Variants in RFX3 observed in about 807,000 individuals in gnomAD.
RFX3 encodes regulatory factor X3, also known as transcription factor RFX3.
Under a neutral mutation model 98.6 loss-of-function variants are expected in RFX3, and 14 were observed. The observed-to-expected ratio is 0.14, with a 90% CI of 0.09 to 0.22. The LOEUF (loss-of-function observed/expected upper bound fraction) is 0.22. Among genes scored for constraint, RFX3 ranks in the 10% least tolerant of loss-of-function variants. The pLI is 1.00. For synonymous variants in RFX3, 383 were observed against 328.4 expected (o/e 1.17, Z -1.80); for missense variants, 639 against 926.9 (o/e 0.69, Z 4.03).
intron 2 of RFX3, among the ~76,000 whole-genome samples, chr9:3,388,495 C>T (rs1366154391): frequency 6.6e-6 from 1 of 151,996 alleles, no homozygotes; most frequent in Non-Finnish European, 1.5e-5. Flanking sequence ...CTGATACTAA[C>T]CAAAAAGAAA....
intron 1 of RFX3, among the ~76,000 whole-genome samples, chr9:3,478,517 G>C (rs118138217): frequency 0.021 from 3,131 of 150,224 alleles, 44 homozygotes; most frequent in Non-Finnish European, 0.031. Context: ...TCATTTAAAA[G>C]ATTTCCTTAA....
chr9:3,438,162 C>T (rs949735953), intron 1 of RFX3, among the ~76,000 whole-genome samples: 1 of 152,004 alleles, frequency 6.6e-6, no homozygotes, highest in Admixed American at 6.6e-5. Flanking sequence ...ACACAGAAGC[C>T]GACAGTTGAT....
chr9:3,505,035 A>C (rs1816784489), intron 1 of RFX3, among the ~76,000 whole-genome samples: 1 of 88,646 alleles, frequency 1.1e-5, no homozygotes, highest in Non-Finnish European at 2.0e-5. Context: ...TAAATAATAT[A>C]ATATATTTTA....
chr9:3,267,197 G>T (rs552215151), intron 11 of RFX3, among the ~76,000 whole-genome samples: 1 of 151,918 alleles, frequency 6.6e-6, no homozygotes, highest in African/African-American at 2.4e-5. Context: ...TGTGCCCAAG[G>T]CTCCATAGTA....
At chr9:3,345,305 T>C (rs1255382127) in intron 3 of RFX3, among the ~76,000 whole-genome samples, 3 of 152,002 alleles carry the variant, frequency 2.0e-5, no homozygotes, top group Admixed American at 2.0e-4. Flanking sequence ...CATAGAAGTA[T>C]GAAAGGGGAA....
chr9:3,359,405 TAGTAA>T (rs1280062962), intron 2 of RFX3, among the ~76,000 whole-genome samples: 1 of 152,072 alleles, frequency 6.6e-6, no homozygotes, highest in Non-Finnish European at 1.5e-5. Flanking sequence ...TTTGTTATAA[TAGTAA>T]AGGTGGATTG....
In RFX3 at chr9:3,437,207, G is replaced by C. The variant is rs111816906; in HGVS notation, c.-8-41611C>G. Among the ~76,000 whole-genome samples, 920 of 152,124 alleles carry C rather than the reference G, an allele frequency of 6.0e-3. 15 individuals carry two copies. Among genetic ancestry groups the C allele is most frequent in the Admixed American group, 7.3e-3 (112 of 15,248 alleles). ...AAAGGGCTCCTGCTTGCAGAATTAA[G>C]CCAGCTTTAGTTGGCACACTGCCCT... On this transcript the variant is annotated intron_variant, in intron 1 of 16. Coordinates refer to ENST00000617270, the MANE Select transcript of RFX3 (RefSeq NM_001282116.2).
In RFX3 at chr9:3,224,958, C is replaced by A. The variant is rs1357340210; in HGVS notation, c.*84G>T. On this transcript the variant is annotated 3_prime_UTR_variant, in exon 17 of 17. Transcript: ENST00000617270. The stretch of plus-strand genomic sequence containing the variant: ...AGCACAGATAGAATTTGACAACAGT[C>A]GACCTTCAGGCTTATTAAATTTTCA... 1 of 1,325,200 alleles carries A rather than the reference C, an allele frequency of 7.5e-7. No individual in the cohort carries two copies. The highest frequency in any genetic ancestry group is 1.3e-5 in the South Asian group (1 of 75,212). The allele number at this position is 1,325,200 out of a possible 1,614,324, so 82.1% of individuals were successfully genotyped here.
chr9:3,254,248 C>A (rs13297424), intron 14 of RFX3, among the ~76,000 whole-genome samples: 1 of 149,310 alleles, frequency 6.7e-6, no homozygotes, highest in Non-Finnish European at 1.5e-5. Context: ...GGATGTATTT[C>A]TAAAATGACA....
At chr9:3,313,510 T>C (rs927497435) in intron 4 of RFX3, among the ~76,000 whole-genome samples, 6 of 152,228 alleles carry the variant, frequency 3.9e-5, no homozygotes, top group African/African-American at 1.4e-4. Context: ...CAAAGCTGGA[T>C]GGAGAATAAT....
chr9:3,268,837 T>C (rs1242527527), intron 11 of RFX3, among the ~76,000 whole-genome samples: 2 of 151,988 alleles, frequency 1.3e-5, no homozygotes, highest in Non-Finnish European at 2.9e-5. Context: ...GTTTAATGAA[T>C]ACTGATGTTG....
chr9:3,492,160 T>C (rs1341200234), intron 1 of RFX3, among the ~76,000 whole-genome samples: 2 of 152,178 alleles, frequency 1.3e-5, no homozygotes, highest in South Asian at 2.1e-4. Context: ...GAGCAAAACA[T>C]GGCTATTCTA....
At chr9:3,347,692 G>A (rs1040706903) in intron 2 of RFX3, among the ~76,000 whole-genome samples, 2 of 151,936 alleles carry the variant, frequency 1.3e-5, no homozygotes, top group East Asian at 1.9e-4. Context: ...CAGGCATGGT[G>A]GTGCATGCCT....
chr9:3,231,007 A>G (rs1248230779), intron 15 of RFX3, among the ~76,000 whole-genome samples: 2 of 152,232 alleles, frequency 1.3e-5, no homozygotes, highest in Non-Finnish European at 2.9e-5. Context: ...CGAATAATAC[A>G]TTTGATAATT....
chr9:3,457,139 CAAAAAAAAAAAAAAA>C (rs1169959832), intron 1 of RFX3, among the ~76,000 whole-genome samples: 55 of 22,814 alleles, frequency 2.4e-3, no homozygotes, highest in South Asian at 0.024. Flanking sequence ...GACTCCATCT[CAAAAAAAAAAAAAAA>C]AAAAAAAAAA....
chr9:3,389,839 A>G (rs1840109924), intron 2 of RFX3, among the ~76,000 whole-genome samples: 1 of 152,132 alleles, frequency 6.6e-6, no homozygotes, highest in Non-Finnish European at 1.5e-5. Context: ...TTCCAAAGCA[A>G]AAGTACTTCT....
At chr9:3,228,730 G>A in intron 16 of RFX3, 117 bp downstream of exon 16, 1 of 756,484 alleles carries the variant, frequency 1.3e-6, no homozygotes, top group Non-Finnish European at 2.0e-6. Flanking sequence ...TATTTATCTA[G>A]GATTTGTATG....
chr9:3,308,135 C>A (rs898466755), intron 4 of RFX3, among the ~76,000 whole-genome samples: 1 of 152,070 alleles, frequency 6.6e-6, no homozygotes, highest in Non-Finnish European at 1.5e-5. Flanking sequence ...ATTAAATGAT[C>A]ACCCTGGGAC....
intron 7 of RFX3, among the ~76,000 whole-genome samples, chr9:3,283,437 TAA>T (rs930400269): frequency 1.5e-4 from 22 of 147,404 alleles, no homozygotes; most frequent in African/African-American, 5.9e-4. Context: ...TCAGTGAAGT[TAA>T]GTCATACACT....
Sources: gnomAD v4.1 joint callset for allele counts (sites outside exome capture counted in the v4.1 genomes callset) on GRCh38, gnomAD v4.1.1 for gene constraint, MANE v1.5 for transcripts, NCBI Gene and HGNC (gene_info 2026-07-23, HGNC 2026-07-21) for gene names.